COG3: variants seen among roughly 807,000 people sequenced by gnomAD.
The protein encoded by COG3 is component of oligomeric golgi complex 3.
In COG3, 32 loss-of-function variants were observed where a neutral mutation model predicts 114.1. The ratio of observed to expected loss-of-function variants is 0.28; its 90% CI spans 0.21 to 0.38. The LOEUF is 0.38. Ranked by LOEUF, COG3 falls within the 10% of genes least tolerant of loss-of-function variation. The pLI is 1.00. For synonymous variants in COG3, 352 were observed against 365.7 expected (o/e 0.96, Z 0.43); for missense variants, 813 against 973.2 (o/e 0.84, Z 2.19).
At chr13:45,476,417 C>T (rs1373722769) in intron 2 of COG3, 70 bp downstream of exon 2, 3 of 1,459,376 alleles carry the variant, frequency 2.1e-6, no homozygotes, top group Non-Finnish European at 2.8e-6. Context: ...TAATAAAGTC[C>T]TAATTAAAAG....
chr13:45,530,332 G>A (rs1873059496), intron 21 of COG3, among the ~76,000 whole-genome samples: 2 of 152,308 alleles, frequency 1.3e-5, no homozygotes, highest in South Asian at 4.1e-4. Context: ...CCAGCTCTGT[G>A]TTGAGCTCTT....
rs1873098492 is a variant in COG3, at chr13:45,530,686, A to G, written c.2363A>G (p.Asn788Ser). 1 of 1,592,380 alleles carries G rather than the reference A, an allele frequency of 6.3e-7. No individual in the cohort carries two copies. The highest frequency in any genetic ancestry group is 8.6e-7 in the Non-Finnish European group (1 of 1,160,356). The change falls in exon 22 of 23, where the codon AAT becomes AGT. Residue 788 changes from asparagine (N) to serine (S), a missense_variant. This residue lies in a region of COG3 where 389 missense variants were observed against 542.6 expected (regional missense o/e 0.72). Transcript: ENST00000349995. Reference sequence around the variant, plus strand: ...TCTCCTCTCCTCCTTTCTAAGAATAATATTCAGCAAGTCTTCCAGAAGTTC... The same window carrying G: ...TCTCCTCTCCTCCTTTCTAAGAATAGTATTCAGCAAGTCTTCCAGAAGTTC... ...EFILFKPVRN[N>S]IQQVFQKFHA...
chr13:45,535,068 G>A lies in COG3; in HGVS notation c.*337G>A. 4 of 1,076,340 alleles carry A rather than the reference G, an allele frequency of 3.7e-6. No homozygotes were observed. The highest frequency in any genetic ancestry group is 4.5e-6 in the Non-Finnish European group (4 of 890,358). 66.7% of individuals were successfully genotyped at this position (1,076,340 alleles called of 1,614,324 possible). On this transcript the variant is annotated 3_prime_UTR_variant, in exon 23 of 23. Transcript: ENST00000349995. ...CAATAAAAATAGATTACAATAAGTAGTGCAAAGAACTTTACAGAAATCAAG... is the reference window on the plus strand; with the variant it reads ...CAATAAAAATAGATTACAATAAGTAATGCAAAGAACTTTACAGAAATCAAG...
chr13:45,498,191 A>G (rs569354068), intron 13 of COG3, among the ~76,000 whole-genome samples: 21 of 152,244 alleles, frequency 1.4e-4, no homozygotes, highest in African/African-American at 5.1e-4. Flanking sequence ...TGCAGACATC[A>G]TGACTCCTCA....
intron 14 of COG3, among the ~76,000 whole-genome samples, chr13:45,507,992 C>A (rs1051997094): frequency 1.4e-5 from 2 of 141,920 alleles, no homozygotes; most frequent in African/African-American, 5.3e-5. Context: ...TCACTTGAAC[C>A]CAGGAGGTGG....
chr13:45,499,425 C>A (rs1467805714), intron 13 of COG3, among the ~76,000 whole-genome samples: 2 of 152,136 alleles, frequency 1.3e-5, no homozygotes, highest in South Asian at 4.1e-4. Flanking sequence ...TATAGATCTG[C>A]AGATTTCAAA....
rs186377078 is a variant in COG3 at position 45,516,661 on chromosome 13, A to C, written c.1930+398A>C. Among the ~76,000 whole-genome samples the C allele has an allele frequency of 3.2e-4, 48 of 152,352 alleles. No individual in the cohort carries two copies. In the East Asian group the frequency reaches 3.7e-3, roughly 12 times the overall value. On this transcript the variant is annotated intron_variant, in intron 17 of 22. Transcript: ENST00000349995. Reference sequence around the variant, plus strand: ...GAAGCCAGCTGGGTAAAATGAGAAGAGTACTTATCTAAGAATTTGAAAGCA... The same window carrying C: ...GAAGCCAGCTGGGTAAAATGAGAAGCGTACTTATCTAAGAATTTGAAAGCA...
chr13:45,531,105 A>G (rs2137933203), intron 22 of COG3: 1 of 981,658 alleles, frequency 1.0e-6, no homozygotes. Flanking sequence ...AAATATGCAT[A>G]ATAAGAGAAA....
chr13:45,513,877 T>A (rs1871240722), intron 16 of COG3, among the ~76,000 whole-genome samples: 1 of 152,030 alleles, frequency 6.6e-6, no homozygotes, highest in Non-Finnish European at 1.5e-5. Context: ...ATTAAATTTT[T>A]AAAAATGAAA....
chr13:45,529,464 AC>A (rs1396765239), intron 20 of COG3, among the ~76,000 whole-genome samples: 2 of 145,500 alleles, frequency 1.4e-5, no homozygotes, highest in African/African-American at 2.7e-5. Flanking sequence ...TCTGAAAATG[AC>A]TTTTTTTTTT....
At chr13:45,466,083 G>T (rs1474339439) in intron 1 of COG3, among the ~76,000 whole-genome samples, 1 of 152,138 alleles carries the variant, frequency 6.6e-6, no homozygotes, top group South Asian at 2.1e-4. Context: ...TGTCGCCCAG[G>T]CTGGAGTGCA....
intron 22 of COG3, 106 bp downstream of exon 22, chr13:45,530,886 A>G: frequency 7.3e-7 from 1 of 1,374,370 alleles, no homozygotes; most frequent in Non-Finnish European, 9.5e-7. Context: ...AATTTAAAAA[A>G]TATTACCTTC....
intron 1 of COG3, among the ~76,000 whole-genome samples, chr13:45,472,239 C>T (rs541453083): frequency 1.3e-5 from 2 of 152,204 alleles, no homozygotes; most frequent in East Asian, 3.9e-4. Context: ...TTCCCTCTGG[C>T]TGCCTTCAAG....
At chr13:45,476,142 A>T in intron 1 of COG3, 59 bp from the exon 2 acceptor site, 1 of 1,526,750 alleles carries the variant, frequency 6.5e-7, no homozygotes, top group Non-Finnish European at 9.0e-7. Flanking sequence ...CCCAATCTTG[A>T]GTTAAGTTCA....
chr13:45,500,102 A>G (rs61953517), intron 13 of COG3, among the ~76,000 whole-genome samples: 10,789 of 35,392 alleles, frequency 0.3, 1,380 homozygotes, highest in African/African-American at 0.43. Flanking sequence ...GTGTATATAT[A>G]TATATATATA....
chr13:45,503,384 C>G (rs374481046), intron 14 of COG3, 35 bp downstream of exon 14: 54 of 1,155,542 alleles, frequency 4.7e-5, no homozygotes, highest in Non-Finnish European at 6.9e-5. Flanking sequence ...AGCATTTATT[C>G]ATTTGGGTTA....
At chr13:45,488,430 C>T (rs1212765472) in intron 8 of COG3, among the ~76,000 whole-genome samples, 2 of 152,170 alleles carry the variant, frequency 1.3e-5, no homozygotes, top group South Asian at 4.1e-4. Context: ...ATACTCTAAA[C>T]ACTCTGATTT....
At chr13:45,468,567 AGATT>A (rs1460309728) in intron 1 of COG3, among the ~76,000 whole-genome samples, 1 of 152,218 alleles carries the variant, frequency 6.6e-6, no homozygotes, top group East Asian at 1.9e-4. Context: ...TTAATTGATC[AGATT>A]GATTATAAAA....
chr13:45,508,492 A>G (rs548146889), intron 14 of COG3, among the ~76,000 whole-genome samples: 1 of 151,394 alleles, frequency 6.6e-6, no homozygotes, highest in South Asian at 2.1e-4. Context: ...GTGTAAATAT[A>G]TATTTTATGA....
Sources: gnomAD v4.1 joint callset for allele counts (sites outside exome capture counted in the v4.1 genomes callset) on GRCh38, gnomAD v4.1.1 for gene constraint, gnomAD v4.1.1 regional missense constraint, MANE v1.5 for transcripts, NCBI Gene and HGNC (gene_info 2026-07-23, HGNC 2026-07-21) for gene names.